IL1RAPL1: variants seen among roughly 807,000 people sequenced by gnomAD.
The protein encoded by IL1RAPL1 is interleukin 1 receptor accessory protein like 1.
Under a neutral mutation model 48.4 loss-of-function variants are expected in IL1RAPL1, and 3 were observed. The observed-to-expected ratio is 0.06, with a 90% CI of 0.03 to 0.16. The LOEUF is 0.16. IL1RAPL1 is among the 10% of genes least tolerant of loss of function. The probability of loss-of-function intolerance (pLI) is 1.00; values close to 1 mark genes in which losing one functional copy is unlikely to be tolerated. For missense variants in IL1RAPL1, 349 were observed against 530.6 expected (o/e 0.66, Z 3.36); for synonymous variants, 185 against 187.7 (o/e 0.99, Z 0.12).
chrX:28,611,820 T>A (rs1934150720), intron 1 of IL1RAPL1, among the ~76,000 whole-genome samples: 1 of 112,599 alleles, frequency 8.9e-6, no homozygotes, highest in Non-Finnish European at 1.9e-5. Context: ...ATAGGAGAGA[T>A]GACAGAGGGG....
At chrX:28,992,703 G>A (rs1441627431) in intron 2 of IL1RAPL1, among the ~76,000 whole-genome samples, 1 of 111,265 alleles carries the variant, frequency 9.0e-6, no homozygotes, top group African/African-American at 3.3e-5. Flanking sequence ...AAGAAAATAA[G>A]TCCCACTTCT....
intron 1 of IL1RAPL1, among the ~76,000 whole-genome samples, chrX:28,711,734 AATAT>A (rs1408846915): frequency 9.6e-6 from 1 of 104,664 alleles, no homozygotes; most frequent in African/African-American, 3.6e-5. Flanking sequence ...TTTAATAATA[AATAT>A]ATATAATATA....
chrX:29,394,930 A>G (rs192256312), intron 3 of IL1RAPL1, among the ~76,000 whole-genome samples: 47 of 112,356 alleles, frequency 4.2e-4, no homozygotes, highest in Non-Finnish European at 7.5e-4. Flanking sequence ...TAACCTACCT[A>G]TCTATTTTCT....
Position 29,562,132 on chromosome X carries a change from A to G in IL1RAPL1, c.704-106298A>G, listed in dbSNP as rs752052641. 9.5e-3 allele frequency among the ~76,000 whole-genome samples: 871 copies of G among 91,365 alleles called. 4 individuals carry two copies. Among genetic ancestry groups the G allele is most frequent in the Middle Eastern group, 0.016 (3 of 192 alleles). The allele number at this position is 91,365 out of a possible 115,157, so 79.3% of individuals were successfully genotyped here. The stretch of plus-strand genomic sequence containing the variant: ...ATCTATCTAATCTATCTATCTATCT[A>G]TCTATCTATCTATCTATCTATCTAT... On this transcript the variant is annotated intron_variant, in intron 5 of 10. Coordinates refer to ENST00000378993, the MANE Select transcript of IL1RAPL1 (RefSeq NM_014271.4).
chrX:29,869,775 A>G (rs1052997455), intron 6 of IL1RAPL1, among the ~76,000 whole-genome samples: 2 of 110,752 alleles, frequency 1.8e-5, no homozygotes, highest in African/African-American at 3.3e-5. Flanking sequence ...CCTCTTTGGC[A>G]TAGTCTAGAA....
At chrX:28,981,154 A>G (rs1002510564) in intron 2 of IL1RAPL1, among the ~76,000 whole-genome samples, 1 of 104,315 alleles carries the variant, frequency 9.6e-6, no homozygotes, top group African/African-American at 3.5e-5. Context: ...AAAGAAAAAA[A>G]TTCTGCTTAG....
At chrX:28,843,408 G>A (rs1341549628) in intron 2 of IL1RAPL1, among the ~76,000 whole-genome samples, 2 of 111,546 alleles carry the variant, frequency 1.8e-5, no homozygotes, top group Non-Finnish European at 1.9e-5. Flanking sequence ...TGAGCTGAAC[G>A]TAAAAGATAG....
chrX:28,865,827 A>G (rs1211085628), intron 2 of IL1RAPL1, among the ~76,000 whole-genome samples: 1 of 112,258 alleles, frequency 8.9e-6, no homozygotes. Flanking sequence ...TGTGTGATCA[A>G]TTGGCAAAAG....
chrX:29,683,729 G>C (rs764448931), intron 6 of IL1RAPL1, among the ~76,000 whole-genome samples: 20 of 111,978 alleles, frequency 1.8e-4, no homozygotes, highest in Non-Finnish European at 3.2e-4. Context: ...TATTCTTACA[G>C]ACTACTTGAG....
Position 29,236,545 on chromosome X carries a change from C to CTT in IL1RAPL1, c.83-46369_83-46368dup, listed in dbSNP as rs754996544. ...TTTTCCTTTCTTTTTCTTTTTTTTT[C>CTT]TTTTTTTTTTTTTTTTTTTTTTTTT... On this transcript the variant is annotated intron_variant, in intron 2 of 10. Coordinates refer to ENST00000378993, the MANE Select transcript of IL1RAPL1 (RefSeq NM_014271.4). 1.3e-3 allele frequency among the ~76,000 whole-genome samples: 83 copies of CTT among 63,152 alleles called. 1 individual carries two copies. Among genetic ancestry groups the CTT allele is most frequent in the South Asian group, 2.9e-3 (3 of 1,033 alleles). 54.8% of individuals were successfully genotyped at this position (63,152 alleles called of 115,157 possible).
Position 29,375,366 on chromosome X carries a change from A to G in IL1RAPL1, c.363-20892A>G, listed in dbSNP as rs1277625589. On this transcript the variant is annotated intron_variant, in intron 3 of 10. Coordinates refer to ENST00000378993, the MANE Select transcript of IL1RAPL1 (RefSeq NM_014271.4). Reference sequence around the variant, plus strand: ...TTTTTAGTAGAGACGGGGTTTCACCATGTTGGCCAGGCTGGTCTCAAACTC... The same window carrying G: ...TTTTTAGTAGAGACGGGGTTTCACCGTGTTGGCCAGGCTGGTCTCAAACTC... Among the ~76,000 whole-genome samples the G allele has an allele frequency of 4.5e-5, 5 of 110,444 alleles. No individual in the cohort carries two copies. In the South Asian group the frequency reaches 1.2e-3, roughly 26 times the overall value.
At chrX:28,732,339 A>G (rs1164352954) in intron 1 of IL1RAPL1, among the ~76,000 whole-genome samples, 1 of 111,891 alleles carries the variant, frequency 8.9e-6, no homozygotes, top group Middle Eastern at 4.2e-3. Context: ...GTACAACTTC[A>G]TTTAGACTAC....
intron 5 of IL1RAPL1, among the ~76,000 whole-genome samples, chrX:29,521,510 AAAAC>A (rs1935502632): frequency 8.9e-6 from 1 of 112,764 alleles, no homozygotes; most frequent in East Asian, 2.8e-4. Context: ...CAAGTTACTA[AAAAC>A]ATATCTAAAA....
At chrX:29,286,299 A>G (rs954034019) in intron 3 of IL1RAPL1, among the ~76,000 whole-genome samples, 5 of 111,647 alleles carry the variant, frequency 4.5e-5, no homozygotes, top group Non-Finnish European at 9.4e-5. Flanking sequence ...TATTTTTTAC[A>G]TGAAAAAGTG....
intron 1 of IL1RAPL1, among the ~76,000 whole-genome samples, chrX:28,719,817 G>T (rs1484883692): frequency 9.0e-6 from 1 of 111,208 alleles, no homozygotes; most frequent in Non-Finnish European, 1.9e-5. Context: ...CAGCATGCAA[G>T]ATCTGTTTCT....
chrX:28,762,786 G>GCGCGCGCACA (rs1366464632), intron 1 of IL1RAPL1, among the ~76,000 whole-genome samples: 8 of 62,971 alleles, frequency 1.3e-4, no homozygotes, highest in African/African-American at 4.4e-4. Context: ...GCACGCGCGC[G>GCGCGCGCACA]CACACACACA....
intron 2 of IL1RAPL1, among the ~76,000 whole-genome samples, chrX:29,254,360 G>A (rs1187665244): frequency 9.0e-6 from 1 of 111,062 alleles, no homozygotes; most frequent in Non-Finnish European, 1.9e-5. Flanking sequence ...TCTATTAAGA[G>A]GCATCTTGTG....
At chrX:28,814,556 A>G (rs1047724468) in intron 2 of IL1RAPL1, among the ~76,000 whole-genome samples, 2 of 110,506 alleles carry the variant, frequency 1.8e-5, no homozygotes, top group Non-Finnish European at 1.9e-5. Context: ...TGTGTAACAT[A>G]TAGGAATATT....
At chrX:29,883,402 GATAT>G (rs1170005401) in intron 6 of IL1RAPL1, among the ~76,000 whole-genome samples, 1 of 111,741 alleles carries the variant, frequency 8.9e-6, no homozygotes, top group East Asian at 2.8e-4. Context: ...GCAGAAACTT[GATAT>G]ATGAAGTCCA....
Sources: gnomAD v4.1 joint callset for allele counts (sites outside exome capture counted in the v4.1 genomes callset) on GRCh38, gnomAD v4.1.1 for gene constraint, MANE v1.5 for transcripts, NCBI Gene and HGNC (gene_info 2026-07-23, HGNC 2026-07-21) for gene names.